NHEJ1: variants seen among roughly 807,000 people sequenced by gnomAD.
The protein encoded by NHEJ1 is non-homologous end-joining factor 1.
NHEJ1 carries 22 observed loss-of-function variants against 39.4 expected under a neutral mutation model. That is an observed-to-expected ratio of 0.56 (90% confidence interval 0.40 to 0.80). NHEJ1 has a LOEUF of 0.80. Ranked by LOEUF, NHEJ1 falls within the 30% of genes least tolerant of loss-of-function variation. The pLI is 0.00. For synonymous variants in NHEJ1, 154 were observed against 135.6 expected, an observed-to-expected ratio of 1.14 and a Z score of -0.94; for missense variants, 329 against 357.1, an observed-to-expected ratio of 0.92 and a Z score of 0.63.
At chr2:219,114,867 C>A (rs1037895111) in intron 5 of NHEJ1, among the ~76,000 whole-genome samples, 1 of 152,140 alleles carries the variant, frequency 6.6e-6, no homozygotes, top group Non-Finnish European at 1.5e-5. Flanking sequence ...ACATTGCTAC[C>A]GGGTACCAGT....
At chr2:219,078,331 G>C in intron 5 of NHEJ1, 125 bp from the exon 6 acceptor site, 3 of 839,174 alleles carry the variant, frequency 3.6e-6, no homozygotes, top group South Asian at 2.8e-5. Flanking sequence ...ATCCAATAGG[G>C]GGCGACCATA....
intron 5 of NHEJ1, among the ~76,000 whole-genome samples, chr2:219,106,213 C>T (rs1044902680): frequency 8.5e-5 from 13 of 152,122 alleles, no homozygotes; most frequent in Admixed American, 4.6e-4. Context: ...GAAGACCTTG[C>T]CTGGCTCCTG....
At chr2:219,143,720 C>G (rs1949711043) in intron 5 of NHEJ1, among the ~76,000 whole-genome samples, 1 of 152,094 alleles carries the variant, frequency 6.6e-6, no homozygotes, top group Admixed American at 6.6e-5. Flanking sequence ...TAGCTGGTTC[C>G]AAAACACTGA....
At chr2:219,120,213 T>A (rs1407460442) in intron 5 of NHEJ1, among the ~76,000 whole-genome samples, 1 of 152,230 alleles carries the variant, frequency 6.6e-6, no homozygotes, top group Non-Finnish European at 1.5e-5. Context: ...TACTTTTTCA[T>A]TCATTTAACA....
intron 3 of NHEJ1, among the ~76,000 whole-genome samples, chr2:219,153,466 T>C (rs1205707405): frequency 2.0e-5 from 3 of 152,136 alleles, no homozygotes; most frequent in Non-Finnish European, 4.4e-5. Flanking sequence ...AGAATTATAT[T>C]AGATATTAGA....
Position 219,158,028 on chromosome 2 carries a change from C to T in NHEJ1, c.177+158G>A, listed in dbSNP as rs1046548724. Among the ~76,000 whole-genome samples, 38 of 150,844 alleles carry T rather than the reference C, an allele frequency of 2.5e-4. 1 individual carries two copies. Among genetic ancestry groups the T allele is most frequent in the Non-Finnish European group, 1.3e-4 (9 of 67,796 alleles). ...ACACACACACACACACACACACACA[C>T]ACACACACACAAAGATTCCAGGCAG... On this transcript the variant is annotated intron_variant, in intron 2 of 7. Coordinates refer to ENST00000356853, the MANE Select transcript of NHEJ1 (RefSeq NM_024782.3).
intron 5 of NHEJ1, among the ~76,000 whole-genome samples, chr2:219,137,528 C>T (rs907921147): frequency 1.9e-5 from 2 of 102,682 alleles, no homozygotes; most frequent in Non-Finnish European, 3.9e-5. Context: ...TAATGACAGT[C>T]GTTAACAATT....
At position 219,084,664 on chromosome 2, in the gene NHEJ1, T is replaced by C. The variant is rs138662286; in HGVS notation, c.589-6458A>G. On this transcript the variant is annotated intron_variant, in intron 5 of 7. Transcript: ENST00000356853. Reference sequence around the variant, plus strand: ...GAAAAATGAGGAGACCAACAGCTACTTTGATGAGGCTGATGGAAGGATTCC... The same window carrying C: ...GAAAAATGAGGAGACCAACAGCTACCTTGATGAGGCTGATGGAAGGATTCC... Among the ~76,000 whole-genome samples the C allele has an allele frequency of 3.3e-3, 503 of 152,300 alleles. 4 individuals carry two copies. The highest frequency in any genetic ancestry group is 0.011 in the African/African-American group (472 of 41,560).
rs1357727235 is a variant in NHEJ1 at position 219,073,485 on chromosome 2, AG to A, written c.*2895del. Among the ~76,000 whole-genome samples the A allele has an allele frequency of 1.3e-5, 2 of 152,184 alleles. No homozygotes were observed. The highest frequency in any genetic ancestry group is 2.9e-5 in the Non-Finnish European group (2 of 68,016). Reference sequence around the variant, plus strand: ...GAGGTGCTACCCAGCTAGAGTGGAAAGGGATGAGGCTTTCTCTCCAAGCAGG... The same window carrying A: ...GAGGTGCTACCCAGCTAGAGTGGAAAGGATGAGGCTTTCTCTCCAAGCAGG... On this transcript the variant is annotated 3_prime_UTR_variant, in exon 8 of 8. Transcript: ENST00000356853.
chr2:219,117,070 C>G (rs745423438), intron 5 of NHEJ1, among the ~76,000 whole-genome samples: 1 of 152,078 alleles, frequency 6.6e-6, no homozygotes. Flanking sequence ...TTCCTAACCT[C>G]GGCTTCACCA....
intron 5 of NHEJ1, among the ~76,000 whole-genome samples, chr2:219,141,342 T>C (rs1228608279): frequency 6.8e-6 from 1 of 148,022 alleles, no homozygotes; most frequent in African/African-American, 2.5e-5. Context: ...ATTGTGCCAC[T>C]GCACTCTAGC....
chr2:219,070,829 C>G lies in NHEJ1; in HGVS notation c.*5552G>C, dbSNP rs1304156709. On this transcript the variant is annotated 3_prime_UTR_variant, in exon 8 of 8. Coordinates refer to ENST00000356853, the MANE Select transcript of NHEJ1 (RefSeq NM_024782.3). ...GAGGGCAACACAACAGACATTACCA[C>G]TATCAGAAAACCACTCAAGTAGGGC... Among the ~76,000 whole-genome samples, 5 of 152,214 alleles carry G rather than the reference C, an allele frequency of 3.3e-5. No homozygotes were observed. Among genetic ancestry groups the G allele is most frequent in the Non-Finnish European group, 7.3e-5 (5 of 68,040 alleles).
At chr2:219,119,515 C>A (rs966390411) in intron 5 of NHEJ1, among the ~76,000 whole-genome samples, 2 of 152,112 alleles carry the variant, frequency 1.3e-5, no homozygotes, top group African/African-American at 2.4e-5. Context: ...CCAGGGTAAC[C>A]AATCCCCCAC....
At chr2:219,141,741 G>A (rs1258059984) in intron 5 of NHEJ1, among the ~76,000 whole-genome samples, 2 of 152,120 alleles carry the variant, frequency 1.3e-5, no homozygotes, top group Non-Finnish European at 2.9e-5. Context: ...ATTCAGCGAT[G>A]TACCAACAAT....
At chr2:219,142,953 C>G (rs1474167264) in intron 5 of NHEJ1, among the ~76,000 whole-genome samples, 1 of 152,188 alleles carries the variant, frequency 6.6e-6, no homozygotes, top group Non-Finnish European at 1.5e-5. Flanking sequence ...AACAAAAGGA[C>G]CAAATAGGGA....
chr2:219,120,912 A>G (rs1455626670), intron 5 of NHEJ1, among the ~76,000 whole-genome samples: 1 of 152,152 alleles, frequency 6.6e-6, no homozygotes, highest in African/African-American at 2.4e-5. Flanking sequence ...TCTTAAAGAA[A>G]CAGCTCAGGT....
At chr2:219,103,758 T>C (rs931462598) in intron 5 of NHEJ1, among the ~76,000 whole-genome samples, 1 of 152,180 alleles carries the variant, frequency 6.6e-6, no homozygotes. Flanking sequence ...TACACCAAAA[T>C]AAACTGGAGC....
chr2:219,081,384 T>G (rs1446162271), intron 5 of NHEJ1, among the ~76,000 whole-genome samples: 1 of 152,074 alleles, frequency 6.6e-6, no homozygotes. Flanking sequence ...CTGCTATAAG[T>G]GCGACTGAGC....
chr2:219,102,172 T>C (rs1251204481), intron 5 of NHEJ1, among the ~76,000 whole-genome samples: 4 of 152,230 alleles, frequency 2.6e-5, no homozygotes, highest in Non-Finnish European at 5.9e-5. Context: ...AATAATTTTA[T>C]AGAGTACATT....
Sources: allele counts gnomAD v4.1 joint callset (sites outside exome capture counted in the v4.1 genomes callset), GRCh38; gene constraint gnomAD v4.1.1; transcripts MANE v1.5; gene names NCBI Gene and HGNC (gene_info 2026-07-23, HGNC 2026-07-21).